TBC1D5: variants seen among roughly 807,000 people sequenced by gnomAD.
TBC1D5 encodes TBC1 domain family, member 5.
Under a neutral mutation model 100.3 loss-of-function variants are expected in TBC1D5, and 75 were observed. That is an observed-to-expected ratio of 0.75 (90% CI 0.62 to 0.91). TBC1D5 has a LOEUF of 0.91. Ranked by LOEUF, TBC1D5 falls within the 40% of genes least tolerant of loss-of-function variation. TBC1D5 has a pLI of 0.00. For synonymous variants in TBC1D5, 323 were observed against 325.6 expected, an observed-to-expected ratio of 0.99 and a Z score of 0.09; for missense variants, 910 against 942.4, an observed-to-expected ratio of 0.97 and a Z score of 0.45.
intron 2 of TBC1D5, among the ~76,000 whole-genome samples, chr3:17,599,395 G>C (rs912171210): frequency 2.2e-4 from 33 of 152,130 alleles, no homozygotes. Flanking sequence ...GAGTTCGGTT[G>C]GGGATGATCA....
chr3:17,369,728 C>G (rs368001132), intron 13 of TBC1D5, among the ~76,000 whole-genome samples: 1 of 151,994 alleles, frequency 6.6e-6, no homozygotes, highest in African/African-American at 2.4e-5. Flanking sequence ...GGTAGTACAG[C>G]TTAGGGATAT....
At position 17,381,051 on chromosome 3, in the gene TBC1D5, T is replaced by A. The variant is rs573484366; in HGVS notation, c.612+2862A>T. ...GTATTATTTTTCTGTAAAAAATCTA[T>A]AGGATTTTAAACATGTACAGGGAGT... On this transcript the variant is annotated intron_variant, in intron 9 of 21. Coordinates refer to ENST00000253692, the Ensembl canonical transcript of TBC1D5. Among the ~76,000 whole-genome samples, 57 of 152,228 alleles carry A rather than the reference T, an allele frequency of 3.7e-4. 1 individual carries two copies. The highest frequency in any genetic ancestry group is 2.1e-3 in the Admixed American group (32 of 15,268).
chr3:17,634,626 TAAAAAAA>T (rs1000749608), intron 1 of TBC1D5, among the ~76,000 whole-genome samples: 1 of 85,520 alleles, frequency 1.2e-5, no homozygotes, highest in Non-Finnish European at 2.4e-5. Context: ...GCTAATAGGG[TAAAAAAA>T]AAAAAAAAAA....
intron 15 of TBC1D5, among the ~76,000 whole-genome samples, chr3:17,286,498 T>C (rs1031408546): frequency 2.0e-5 from 3 of 152,230 alleles, no homozygotes; most frequent in African/African-American, 7.2e-5. Flanking sequence ...TGGATTGTTT[T>C]TGGAAATCTG....
intron 18 of TBC1D5, among the ~76,000 whole-genome samples, chr3:17,208,948 T>C (rs1280370135): frequency 6.6e-6 from 1 of 152,226 alleles, no homozygotes; most frequent in Non-Finnish European, 1.5e-5. Flanking sequence ...ATTTTTAATC[T>C]AAGTTATATA....
intron 9 of TBC1D5, among the ~76,000 whole-genome samples, chr3:17,377,304 A>T (rs2092746398): frequency 6.6e-6 from 1 of 152,092 alleles, no homozygotes; most frequent in African/African-American, 2.4e-5. Context: ...AGGAATAGAA[A>T]CAAAAAGGTA....
intron 15 of TBC1D5, 148 bp from the exon 16 acceptor site, chr3:17,258,739 A>G (rs1291782358): frequency 2.0e-6 from 1 of 501,788 alleles, no homozygotes; most frequent in African/African-American, 2.0e-5. Flanking sequence ...TTTTGCTTTT[A>G]TTAAATTATT....
intron 4 of TBC1D5, among the ~76,000 whole-genome samples, chr3:17,426,953 C>A (rs932088670): frequency 6.6e-6 from 1 of 151,894 alleles, no homozygotes; most frequent in African/African-American, 2.4e-5. Context: ...TCATATATTA[C>A]CATATTAAGA....
intron 2 of TBC1D5, among the ~76,000 whole-genome samples, chr3:17,592,371 G>A (rs1020492199): frequency 1.6e-4 from 25 of 152,190 alleles, no homozygotes; most frequent in Non-Finnish European, 2.9e-4. Context: ...CAGAGGATGG[G>A]AAGTAAATGT....
At chr3:17,331,760 G>A (rs2086891070) in intron 13 of TBC1D5, among the ~76,000 whole-genome samples, 3 of 152,166 alleles carry the variant, frequency 2.0e-5, no homozygotes, top group Admixed American at 2.0e-4. Context: ...AACAAAGTGA[G>A]GGAACAAGCC....
intron 1 of TBC1D5, among the ~76,000 whole-genome samples, chr3:17,636,607 C>CA (rs777789295): frequency 2.0e-5 from 3 of 151,718 alleles, no homozygotes; most frequent in Admixed American, 6.6e-5. Flanking sequence ...CTGGCTAACA[C>CA]GGTGAAACCC....
intron 1 of TBC1D5, among the ~76,000 whole-genome samples, chr3:17,676,503 G>A (rs948760137): frequency 6.6e-6 from 1 of 152,050 alleles, no homozygotes; most frequent in Admixed American, 6.6e-5. Context: ...AATAAAAGAG[G>A]ACACAAACAA....
chr3:17,703,009 A>T (rs931091839), intron 1 of TBC1D5, among the ~76,000 whole-genome samples: 10 of 152,118 alleles, frequency 6.6e-5, no homozygotes, highest in Non-Finnish European at 1.0e-4. Flanking sequence ...AACACCAAAC[A>T]TCTTTACTGA....
chr3:17,412,263 A>T (rs1358693670), intron 4 of TBC1D5, among the ~76,000 whole-genome samples: 1 of 152,126 alleles, frequency 6.6e-6, no homozygotes, highest in Non-Finnish European at 1.5e-5. Flanking sequence ...AGAAATGATT[A>T]CTGCAAAGCC....
chr3:17,219,461 G>C (rs956469554), intron 17 of TBC1D5, among the ~76,000 whole-genome samples: 2 of 145,900 alleles, frequency 1.4e-5, no homozygotes, highest in African/African-American at 5.0e-5. Context: ...CCCTTTGTGT[G>C]GGCCATACTT....
chr3:17,627,958 T>C (rs2063193530), intron 1 of TBC1D5, among the ~76,000 whole-genome samples: 1 of 152,192 alleles, frequency 6.6e-6, no homozygotes. Context: ...ATTACTACTC[T>C]CTCAGGTTTA....
At chr3:17,663,836 T>C (rs939125302) in intron 1 of TBC1D5, among the ~76,000 whole-genome samples, 2 of 152,160 alleles carry the variant, frequency 1.3e-5, no homozygotes, top group Non-Finnish European at 2.9e-5. Context: ...TACATCTATA[T>C]AATAACAGAA....
chr3:17,673,599 G>C (rs2068245312), intron 1 of TBC1D5, among the ~76,000 whole-genome samples: 1 of 151,814 alleles, frequency 6.6e-6, no homozygotes, highest in South Asian at 2.1e-4. Context: ...ACAAGCATGA[G>C]TTACTGCACC....
chr3:17,425,247 G>A (rs995545972), intron 4 of TBC1D5, among the ~76,000 whole-genome samples: 1 of 152,154 alleles, frequency 6.6e-6, no homozygotes, highest in African/African-American at 2.4e-5. Flanking sequence ...CACTTCAAAA[G>A]TGAAGAACTG....
Sources: allele counts gnomAD v4.1 joint callset (sites outside exome capture counted in the v4.1 genomes callset), GRCh38; gene constraint gnomAD v4.1.1; transcripts MANE v1.5; gene names NCBI Gene and HGNC (gene_info 2026-07-23, HGNC 2026-07-21).